The following UNC79 variants were observed in gnomAD, a reference collection of about 807,000 sequenced individuals.
UNC79 encodes the protein protein unc-79 homolog.
In UNC79, 37 loss-of-function variants were observed where a neutral mutation model predicts 283.1. That is an observed-to-expected ratio of 0.13 (90% CI 0.10 to 0.17). The LOEUF (loss-of-function observed/expected upper bound fraction) is 0.17. Among genes scored for constraint, UNC79 ranks in the 10% least tolerant of loss-of-function variants. The pLI is 1.00. For missense variants in UNC79, 2,272 were observed against 3,211.1 expected (o/e 0.71, Z 7.07); for synonymous variants, 1,107 against 1,200.2 (o/e 0.92, Z 1.61).
At chr14:93,505,124 C>T (rs1052182499) in intron 7 of UNC79, among the ~76,000 whole-genome samples, 5 of 151,990 alleles carry the variant, frequency 3.3e-5, no homozygotes, top group Non-Finnish European at 5.9e-5. Context: ...AAAAGAACTT[C>T]TATTTGGCAG....
At chr14:93,397,193 A>G (rs896241987) in intron 1 of UNC79, 2 of 152,148 alleles carry the variant, frequency 1.3e-5, no homozygotes, top group Admixed American at 6.5e-5. Context: ...TAGTGACACT[A>G]ATGTTAATAA....
chr14:93,369,127 T>A (rs983482683), intron 1 of UNC79, among the ~76,000 whole-genome samples: 2 of 152,196 alleles, frequency 1.3e-5, no homozygotes, highest in East Asian at 3.8e-4. Flanking sequence ...CAACACAACA[T>A]ACATTAACCC....
chr14:93,504,526 C>G (rs2059440238), intron 7 of UNC79, among the ~76,000 whole-genome samples: 1 of 151,576 alleles, frequency 6.6e-6, no homozygotes, highest in African/African-American at 2.4e-5. Context: ...AATCCTTTTT[C>G]TAGTTTTCTA....
At chr14:93,336,750 A>G (rs2053585171) in intron 1 of UNC79, among the ~76,000 whole-genome samples, 2 of 152,382 alleles carry the variant, frequency 1.3e-5, no homozygotes, top group East Asian at 1.9e-4. Flanking sequence ...CACAGAAAAC[A>G]TTAATCATGA....
chr14:93,421,964 C>T (rs2055610108), intron 1 of UNC79, among the ~76,000 whole-genome samples: 1 of 151,736 alleles, frequency 6.6e-6, no homozygotes, highest in Non-Finnish European at 1.5e-5. Flanking sequence ...AACACCTCTT[C>T]ATGATAAAAA....
intron 23 of UNC79, 84 bp from the exon 24 acceptor site, chr14:93,597,275 C>T: frequency 6.9e-7 from 1 of 1,454,928 alleles, no homozygotes; most frequent in Non-Finnish European, 9.4e-7. Context: ...GAGTTCAGTT[C>T]TCAGACTGGC....
chr14:93,485,741 C>A (rs932447288), intron 4 of UNC79, among the ~76,000 whole-genome samples: 2 of 152,120 alleles, frequency 1.3e-5, no homozygotes, highest in Admixed American at 6.5e-5. Context: ...AGTTTATCTC[C>A]CTGAGTATCA....
chr14:93,339,638 G>A lies in UNC79; in HGVS notation c.-351+6115G>A, dbSNP rs369821453. Among the ~76,000 whole-genome samples the A allele has an allele frequency of 7.9e-5, 12 of 152,298 alleles. No individual in the cohort carries two copies. In the East Asian group the frequency reaches 1.4e-3, roughly 17 times the overall value. ...AACAGATACTGTCTTTCTGTTACTC[G>A]TGGTCAGCACCTGGCATTTGCCTCT... On this transcript the variant is annotated intron_variant, in intron 1 of 49. Transcript: ENST00000256339.
chr14:93,668,960 C>A (rs1213939174), intron 40 of UNC79, among the ~76,000 whole-genome samples: 3 of 87,566 alleles, frequency 3.4e-5, no homozygotes, highest in African/African-American at 4.4e-5. Flanking sequence ...GCCTGGGCAA[C>A]AGAGTGAGAA....
At chr14:93,337,986 T>C (rs11624363) in intron 1 of UNC79, among the ~76,000 whole-genome samples, 11,176 of 152,150 alleles carry the variant, frequency 0.073, 867 homozygotes, top group African/African-American at 0.19. Flanking sequence ...CAGCAGCCAG[T>C]GTACCTGGCT....
chr14:93,547,128 ATAT>A (rs1389903695), intron 14 of UNC79, among the ~76,000 whole-genome samples: 1 of 152,204 alleles, frequency 6.6e-6, no homozygotes, highest in Admixed American at 6.5e-5. Flanking sequence ...ATAACTGATA[ATAT>A]TTTGTCATTG....
intron 1 of UNC79, among the ~76,000 whole-genome samples, chr14:93,368,035 G>A (rs1456756399): frequency 2.6e-5 from 4 of 152,158 alleles, no homozygotes; most frequent in African/African-American, 9.7e-5. Flanking sequence ...CTTAATCTTT[G>A]TTCCTATTTG....
chr14:93,605,516 A>C (rs1033719081), intron 26 of UNC79, among the ~76,000 whole-genome samples: 1 of 152,188 alleles, frequency 6.6e-6, no homozygotes, highest in African/African-American at 2.4e-5. Flanking sequence ...ACAATTTATC[A>C]TGAAGTAGCC....
At chr14:93,505,376 C>G (rs752586188) in intron 7 of UNC79, among the ~76,000 whole-genome samples, 2 of 152,132 alleles carry the variant, frequency 1.3e-5, no homozygotes, top group African/African-American at 4.8e-5. Context: ...GCAGTATCTT[C>G]CCAGCTAATT....
intron 23 of UNC79, among the ~76,000 whole-genome samples, chr14:93,595,668 C>A (rs753207368): frequency 2.6e-5 from 4 of 152,166 alleles, no homozygotes; most frequent in South Asian, 2.1e-4. Context: ...CCTTCAAATG[C>A]CGCCATTGAG....
At position 93,619,658 on chromosome 14, in the gene UNC79, T is replaced by G. The variant is rs191457905; in HGVS notation, c.4387+1304T>G. 1.7e-3 allele frequency among the ~76,000 whole-genome samples: 263 copies of G among 152,326 alleles called. 2 individuals are homozygous for G. Among genetic ancestry groups the G allele is most frequent in the African/African-American group, 6.1e-3 (254 of 41,574 alleles). On this transcript the variant is annotated intron_variant, in intron 29 of 48. Transcript: ENST00000555664. ...TAATTAAAAAGTTTAGTATGGTTATTTCATCTAAAATTTACTACTTCAAGT... is the reference window on the plus strand; with the variant it reads ...TAATTAAAAAGTTTAGTATGGTTATGTCATCTAAAATTTACTACTTCAAGT...
At chr14:93,532,487 A>C in intron 10 of UNC79, 63 bp from the exon 11 acceptor site, 1 of 1,556,386 alleles carries the variant, frequency 6.4e-7, no homozygotes, top group Non-Finnish European at 8.7e-7. Context: ...AAATTAATTA[A>C]TTAAATAAAA....
intron 7 of UNC79, among the ~76,000 whole-genome samples, chr14:93,520,679 C>T (rs566861744): frequency 6.6e-6 from 1 of 152,038 alleles, no homozygotes; most frequent in Admixed American, 6.6e-5. Context: ...CTGATCTTTT[C>T]TTCTGCATTG....
intron 1 of UNC79, among the ~76,000 whole-genome samples, chr14:93,417,624 C>G (rs1269756544): frequency 6.6e-6 from 1 of 152,214 alleles, no homozygotes; most frequent in Non-Finnish European, 1.5e-5. Flanking sequence ...TGTTTTCCAA[C>G]TTGGTTCCAT....
Sources: gnomAD v4.1 joint callset for allele counts (sites outside exome capture counted in the v4.1 genomes callset) on GRCh38, gnomAD v4.1.1 for gene constraint, MANE v1.5 for transcripts, NCBI Gene and HGNC (gene_info 2026-07-23, HGNC 2026-07-21) for gene names.